CNDP2: variants seen among roughly 807,000 people sequenced by gnomAD.
CNDP2 encodes cytosolic non-specific dipeptidase.
CNDP2 carries 38 observed loss-of-function variants against 55.0 expected under a neutral mutation model. That is an observed-to-expected ratio of 0.69 (90% CI 0.53 to 0.90). The LOEUF is 0.90. CNDP2 is among the 40% of genes least tolerant of loss of function. CNDP2 has a pLI of 0.00. For missense variants in CNDP2, 607 were observed against 621.7 expected, an observed-to-expected ratio of 0.98 and a Z score of 0.25; for synonymous variants, 241 against 260.2, an observed-to-expected ratio of 0.93 and a Z score of 0.71.
chr18:74,522,161 C>G lies in CNDP2; in HGVS notation c.*2093C>G, dbSNP rs967593246. The G allele has an allele frequency of 1.3e-5, 2 of 152,248 alleles. No homozygotes were observed. The highest frequency in any genetic ancestry group is 4.8e-5 in the African/African-American group (2 of 41,458). 9.4% of individuals were successfully genotyped at this position (152,248 alleles called of 1,614,324 possible). On this transcript the variant is annotated 3_prime_UTR_variant, in exon 12 of 12. Transcript: ENST00000324262. ...AAGTGTATCTGGGGACCCTCTATGG[C>G]TTTTGCATCTTTTCTCTAAGTCTCC...
intron 11 of CNDP2, among the ~76,000 whole-genome samples, chr18:74,519,619 G>A (rs890369032): frequency 1.3e-5 from 2 of 152,180 alleles, no homozygotes; most frequent in Admixed American, 6.5e-5. Context: ...CAAGGCAGAC[G>A]ATCAAGGACT....
Position 74,506,010 on chromosome 18 carries a change from C to T in CNDP2, c.366C>T (p.Asp122=), listed in dbSNP as rs145623404. Residue 122 remains aspartate, a splice_region_variant and synonymous_variant, in exon 4 of 12, where the codon GAC becomes GAT. Coordinates refer to ENST00000324262, the MANE Select transcript of CNDP2 (RefSeq NM_018235.3). The part of the protein sequence containing the change: ...DSEPFTLVER[D]GKLYGRGSTD... ...AGCCCTTCACCCTGGTGGAGCGAGA[C>T]GGTGAGCGCCGCGCGCCTATGCGTG... 274 of 1,582,410 alleles carry T rather than the reference C, an allele frequency of 1.7e-4. 1 individual carries two copies. Among genetic ancestry groups the T allele is most frequent in the Non-Finnish European group, 2.0e-4 (239 of 1,168,920 alleles).
chr18:74,510,288 C>T (rs1202533717), intron 5 of CNDP2, among the ~76,000 whole-genome samples: 4 of 152,232 alleles, frequency 2.6e-5, no homozygotes, highest in African/African-American at 7.2e-5. Flanking sequence ...TTTGGCAAAT[C>T]GCCAGCTTCA....
chr18:74,522,453 G>C lies in CNDP2; in HGVS notation c.*2385G>C, dbSNP rs901201758. ...AGGAACCCATGCTGAGAGGTGCTAT[G>C]CTTTGAATGTTTGGCTCCTCCCAAA... On this transcript the variant is annotated 3_prime_UTR_variant, in exon 12 of 12. Coordinates refer to ENST00000324262, the MANE Select transcript of CNDP2 (RefSeq NM_018235.3). The C allele has an allele frequency of 1.3e-5, 2 of 152,264 alleles. No homozygotes were observed. The highest frequency in any genetic ancestry group is 6.5e-5 in the Admixed American group (1 of 15,292). The allele number at this position is 152,264 out of a possible 1,614,324, so 9.4% of individuals were successfully genotyped here. A position where few individuals can be genotyped will look rare whatever the true frequency, so the allele number is the denominator to read the frequency against.
intron 3 of CNDP2, 29 bp downstream of exon 3, chr18:74,501,501 G>A (rs1978698437): frequency 6.3e-7 from 1 of 1,586,156 alleles, no homozygotes. Flanking sequence ...TGCATTGCAG[G>A]ACCGTAGACA....
At chr18:74,518,684 C>G (rs959229980) in intron 10 of CNDP2, 44 bp downstream of exon 10, 32 of 1,611,870 alleles carry the variant, frequency 2.0e-5, no homozygotes, top group Non-Finnish European at 2.6e-5. Context: ...GGGCCCTTCG[C>G]ACGTCTGACA....
At chr18:74,507,410 C>T (rs1438958138) in intron 4 of CNDP2, 2 of 152,906 alleles carry the variant, frequency 1.3e-5, no homozygotes, top group African/African-American at 4.8e-5. Context: ...TGGCTGGGTC[C>T]TGCTCTCCAC....
chr18:74,514,990 G>A (rs1363143996), intron 8 of CNDP2, among the ~76,000 whole-genome samples: 15 of 152,192 alleles, frequency 9.9e-5, no homozygotes, highest in Admixed American at 9.2e-4. Flanking sequence ...TGCTGGGAGC[G>A]GCTGAGGCTC....
Position 74,520,003 on chromosome 18 carries a change from A to G in CNDP2, c.1363A>G (p.Asn455Asp), listed in dbSNP as rs1370602142. 1.2e-6 allele frequency: 2 copies of G among 1,613,774 alleles called. No homozygotes were observed. Among genetic ancestry groups the G allele is most frequent in the Non-Finnish European group, 1.7e-6 (2 of 1,179,896 alleles). ...TGATGTGTTCCTCTCTACCAGGTATAACTACATAGAGGGAACCAAGATGCT... is the reference window on the plus strand; with the variant it reads ...TGATGTGTTCCTCTCTACCAGGTATGACTACATAGAGGGAACCAAGATGCT... ...HSQNEKLNRY[N>D]YIEGTKMLAA... The change falls in exon 12 of 12, where the codon AAC becomes GAC. Residue 455 changes from asparagine to aspartate, a missense_variant. By Grantham distance (23) the Asn-to-Asp change is conservative. Transcript: ENST00000324262.
At chr18:74,518,736 C>T (rs1398418355) in intron 10 of CNDP2, 96 bp downstream of exon 10, 1 of 1,547,028 alleles carries the variant, frequency 6.5e-7, no homozygotes, top group Non-Finnish European at 8.9e-7. Flanking sequence ...ATGTCGGGGG[C>T]GCTGCTGTAT....
chr18:74,518,730 CGGG>C (rs1979869641), intron 10 of CNDP2, 90 bp downstream of exon 10: 36 of 1,560,820 alleles, frequency 2.3e-5, no homozygotes, highest in Admixed American at 1.5e-4. Flanking sequence ...GTAGCTATGT[CGGG>C]GGCGCTGCTG....
At position 74,518,708 on chromosome 18, in the gene CNDP2, T is replaced by C. The variant is rs574316038; in HGVS notation, c.1210+68T>C. 9.3e-5 allele frequency: 149 copies of C among 1,596,404 alleles called. No individual in the cohort carries two copies. The Middle Eastern group carries it at 1.6e-3, about 17-fold the overall frequency. On this transcript the variant is annotated intron_variant, in intron 10 of 11. Transcript: ENST00000324262. ...GCACGTCTGACAGGACTCTGCTATA[T>C]CGCGTGGGCGTGTAGCTATGTCGGG...
intron 8 of CNDP2, chr18:74,513,922 C>G (rs1298911628): frequency 1.1e-5 from 6 of 535,328 alleles, no homozygotes; most frequent in South Asian, 2.4e-5. Flanking sequence ...ACTTTTGATT[C>G]CATCAGACCT....
Position 74,506,002 on chromosome 18 carries a change from G to A in CNDP2, c.358G>A (p.Glu120Lys), listed in dbSNP as rs763279459. 2 of 1,588,866 alleles carry A rather than the reference G, an allele frequency of 1.3e-6. No homozygotes were observed. Among genetic ancestry groups the A allele is most frequent in the Admixed American group, 1.9e-5 (1 of 51,374 alleles). The change falls in exon 4 of 12, where the codon GAG becomes AAG. Residue 120 changes from glutamate to lysine, a missense_variant. Coordinates refer to ENST00000324262, the MANE Select transcript of CNDP2 (RefSeq NM_018235.3). ...GWDSEPFTLV[E>K]RDGKLYGRGS... is the part of the protein sequence containing the mutation. ...GGACAGCGAGCCCTTCACCCTGGTG[G>A]AGCGAGACGGTGAGCGCCGCGCGCC...
chr18:74,516,988 A>G lies in CNDP2; in HGVS notation c.1068+596A>G, dbSNP rs1979709559. The stretch of plus-strand genomic sequence containing the variant: ...ATAAAGACCACAGACGCGGTAGCTT[A>G]CGTGGCAGACGCGATAGCTTACGTG... On this transcript the variant is annotated intron_variant, in intron 9 of 11. Transcript: ENST00000324262. 8.9e-5 allele frequency: 4 copies of G among 44,952 alleles called. No individual in the cohort carries two copies. The Middle Eastern group carries it at 0.045, about 511-fold the overall frequency. The allele number at this position is 44,952 out of a possible 1,614,324, so 2.8% of individuals were successfully genotyped here.
At chr18:74,502,105 C>T (rs1019425805) in intron 3 of CNDP2, among the ~76,000 whole-genome samples, 1 of 152,128 alleles carries the variant, frequency 6.6e-6, no homozygotes, top group Non-Finnish European at 1.5e-5. Flanking sequence ...AGGCTGGTCT[C>T]GAACTCCTGA....
Position 74,499,975 on chromosome 18 carries a change from T to TGGC in CNDP2, c.6_8dup (p.Ala3dup), listed in dbSNP as rs1568276369. 5 of 1,614,122 alleles carry TGGC rather than the reference T, an allele frequency of 3.1e-6. No individual in the cohort carries two copies. In the Admixed American group the frequency reaches 5.0e-5, roughly 16 times the overall value. The stretch of plus-strand genomic sequence containing the variant: ...TGCGGTCTGGGGTCTGGTTGAAAGA[T>TGGC]GGCGGCCCTCACTACCCTGTTTAAG... On this transcript the variant is annotated inframe_insertion, in exon 2 of 12. Transcript: ENST00000324262.
In CNDP2 at chr18:74,520,152, G is replaced by A. The variant is rs1264126384; in HGVS notation, c.*84G>A. The A allele has an allele frequency of 3.1e-6, 4 of 1,308,444 alleles. No homozygotes were observed. The highest frequency in any genetic ancestry group is 4.4e-6 in the Non-Finnish European group (4 of 911,156). 81.1% of individuals were successfully genotyped at this position (1,308,444 alleles called of 1,614,324 possible). On this transcript the variant is annotated 3_prime_UTR_variant, in exon 12 of 12. Coordinates refer to ENST00000324262, the MANE Select transcript of CNDP2 (RefSeq NM_018235.3). ...TTCCAACTTGCCCAGGGAAGTGGAG[G>A]TTCCCTCTTTCCTTTCCCTCTTGTC...
chr18:74,504,598 A>G (rs1978906860), intron 3 of CNDP2, among the ~76,000 whole-genome samples: 1 of 152,184 alleles, frequency 6.6e-6, no homozygotes, highest in African/African-American at 2.4e-5. Context: ...TGCTCATTTT[A>G]CCTCTTAATT....
Sources: gnomAD v4.1 joint callset for allele counts (sites outside exome capture counted in the v4.1 genomes callset) on GRCh38, gnomAD v4.1.1 for gene constraint, MANE v1.5 for transcripts, NCBI Gene and HGNC (gene_info 2026-07-23, HGNC 2026-07-21) for gene names.